The following SNRPN variants were observed in gnomAD, a reference collection of about 807,000 sequenced individuals.
SNRPN encodes the protein small nuclear ribonucleoprotein-associated protein N.
SNRPN carries 7 observed loss-of-function variants against 25.2 expected under a neutral mutation model. The ratio of observed to expected loss-of-function variants is 0.28; its 90% CI spans 0.16 to 0.52. The LOEUF (loss-of-function observed/expected upper bound fraction) is 0.52, where lower values mean the gene tolerates loss of function less well. Among genes scored for constraint, SNRPN ranks in the 20% least tolerant of loss-of-function variants. The pLI, the probability that SNRPN is intolerant of heterozygous loss-of-function variation, is 0.96. For missense variants in SNRPN, 196 were observed against 322.5 expected, an observed-to-expected ratio of 0.61 and a Z score of 3.00; for synonymous variants, 124 against 110.6, an observed-to-expected ratio of 1.12 and a Z score of -0.76.
At chr15:24,828,381 A>G (rs2050249837) in intron 1 of SNRPN, among the ~76,000 whole-genome samples, 2 of 152,096 alleles carry the variant, frequency 1.3e-5, no homozygotes, top group Admixed American at 1.3e-4. Context: ...AAGATCACGC[A>G]TGTGCCCTCA....
At chr15:24,953,125 C>G (rs902047948), upstream of SNRPN, among the ~76,000 whole-genome samples, 1 of 152,054 alleles carries the variant, frequency 6.6e-6, no homozygotes, top group Admixed American at 6.6e-5. Flanking sequence ...TAAACAGAAT[C>G]CCTTCTTTTG....
chr15:24,962,915 A>G (rs1280128672), intron 2 of SNRPN, among the ~76,000 whole-genome samples: 1 of 152,054 alleles, frequency 6.6e-6, no homozygotes, highest in African/African-American at 2.4e-5. Context: ...GTTTTTTTTA[A>G]TTATAAGTAT....
intron 2 of SNRPN, chr15:24,909,510 G>A: frequency 6.6e-7 from 1 of 1,518,192 alleles, no homozygotes; most frequent in Non-Finnish European, 9.0e-7. Context: ...CTGCGGGCCA[G>A]CGGCAGGCCA....
At chr15:24,872,269 G>A (rs2055219428) in intron 1 of SNRPN, among the ~76,000 whole-genome samples, 1 of 113,208 alleles carries the variant, frequency 8.8e-6, no homozygotes, top group Admixed American at 9.9e-5. Context: ...CTGGGTTCAA[G>A]TGATTCTCCT....
At position 24,955,766 on chromosome 15, in the gene SNRPN, TGGC is replaced by T. The variant is rs201780389; in HGVS notation, c.-391+710_-391+712del. ...GGGGGAAGGCGGCGACAGTGGGTATTGGCGGCGGTGGGCATTGGCAGCGGGTAG... is the reference window on the plus strand; with the variant it reads ...GGGGGAAGGCGGCGACAGTGGGTATTGGCGGTGGGCATTGGCAGCGGGTAG... On this transcript the variant is annotated intron_variant, in intron 1 of 9. Coordinates refer to ENST00000390687, the MANE Select transcript of SNRPN (RefSeq NM_003097.6). Among the ~76,000 whole-genome samples, 579 of 150,350 alleles carry T rather than the reference TGGC, an allele frequency of 3.9e-3. 2 individuals are homozygous for T. The highest frequency in any genetic ancestry group is 0.014 in the African/African-American group (556 of 40,870).
At chr15:24,834,761 A>G (rs1291767621) in intron 2 of SNRPN, among the ~76,000 whole-genome samples, 1 of 46,116 alleles carries the variant, frequency 2.2e-5, no homozygotes, top group African/African-American at 6.1e-5. Flanking sequence ...CTATATATAT[A>G]TATATATATA....
chr15:24,965,318 A>C (rs536282823), intron 2 of SNRPN, among the ~76,000 whole-genome samples: 2 of 152,204 alleles, frequency 1.3e-5, no homozygotes, highest in South Asian at 4.1e-4. Context: ...TGGGCAGATC[A>C]CCTGAGGTCA....
chr15:24,938,291 G>A (rs564839893), intron 3 of SNRPN, among the ~76,000 whole-genome samples: 12 of 152,036 alleles, frequency 7.9e-5, no homozygotes, highest in South Asian at 4.2e-4. Context: ...CACACCAGGC[G>A]AACTTTTTAT....
At chr15:24,949,162 CA>C (rs1170617472) in intron 3 of SNRPN, among the ~76,000 whole-genome samples, 1 of 151,786 alleles carries the variant, frequency 6.6e-6, no homozygotes, top group Non-Finnish European at 1.5e-5. Flanking sequence ...GCTGGGATTG[CA>C]GGCACGTGCC....
At chr15:24,977,647 A>C in intron 7 of SNRPN, 131 bp from the exon 8 acceptor site, 2 of 898,114 alleles carry the variant, frequency 2.2e-6, no homozygotes, top group Non-Finnish European at 3.2e-6. Flanking sequence ...AAAAAAAAAC[A>C]TGGGAATAAT....
Position 24,978,627 on chromosome 15 carries a change from T to C in SNRPN, c.*183T>C. The stretch of plus-strand genomic sequence containing the variant: ...TTTTTGCCTGTTGATTTTGATGAGA[T>C]CTTAAGTTACTGTGGATGAGGGTGA... On this transcript the variant is annotated 3_prime_UTR_variant, in exon 10 of 10. Coordinates refer to ENST00000390687, the MANE Select transcript of SNRPN (RefSeq NM_003097.6). 2 of 637,008 alleles carry C rather than the reference T, an allele frequency of 3.1e-6. 1 individual carries two copies. Among genetic ancestry groups the C allele is most frequent in the South Asian group, 3.8e-5 (2 of 52,176 alleles). 39.5% of individuals were successfully genotyped at this position (637,008 alleles called of 1,614,324 possible).
At chr15:24,974,196 ATGAGAGGAAGGATGTTTT>A in intron 3 of SNRPN, 97 bp from the exon 4 acceptor site, 1 of 509,092 alleles carries the variant, frequency 2.0e-6, no homozygotes, top group East Asian at 3.4e-5. Context: ...GGAAGCTAGT[ATGAGAGGAAGGATGTTTT>A]TGAACGTGTC....
chr15:24,836,774 A>G (rs780998767), intron 2 of SNRPN, among the ~76,000 whole-genome samples: 4 of 152,120 alleles, frequency 2.6e-5, no homozygotes, highest in African/African-American at 4.8e-5. Flanking sequence ...AAACTCAAAC[A>G]TCTAGGGAGA....
Position 24,906,754 on chromosome 15 carries a change from A to C in SNRPN, c.-504-13257A>C, listed in dbSNP as rs150179107. Among the ~76,000 whole-genome samples, 330 of 152,312 alleles carry C rather than the reference A, an allele frequency of 2.2e-3. 1 individual carries two copies. The highest frequency in any genetic ancestry group is 6.8e-3 in the Middle Eastern group (2 of 294). On this transcript the variant is annotated intron_variant, in intron 2 of 11. Transcript: ENST00000400097. ...CAAGGGGGTGTAAGTGCCTATTATC[A>C]GAGGTCATTCTTACGGAGGCTATTA...
intron 2 of SNRPN, among the ~76,000 whole-genome samples, chr15:24,893,472 G>T (rs1471729763): frequency 2.0e-5 from 3 of 151,868 alleles, no homozygotes; most frequent in Admixed American, 6.6e-5. Flanking sequence ...AACAAAATTA[G>T]CTGGGTGTGG....
chr15:24,973,040 AC>A (rs1420078644), intron 3 of SNRPN, among the ~76,000 whole-genome samples: 1 of 152,062 alleles, frequency 6.6e-6, no homozygotes, highest in African/African-American at 2.4e-5. Context: ...GGCGCCTGCC[AC>A]CACACCCAGC....
chr15:24,896,402 A>C (rs775616010), intron 2 of SNRPN, among the ~76,000 whole-genome samples: 3 of 152,202 alleles, frequency 2.0e-5, no homozygotes, highest in Admixed American at 2.0e-4. Flanking sequence ...TAAAGAAATC[A>C]GTTGGCTTTG....
intron 2 of SNRPN, among the ~76,000 whole-genome samples, chr15:24,887,283 G>A (rs1184893731): frequency 6.6e-6 from 1 of 151,900 alleles, no homozygotes; most frequent in Non-Finnish European, 1.5e-5. Context: ...ATGTAGCTGG[G>A]ATTACAGGCA....
intron 1 of SNRPN, among the ~76,000 whole-genome samples, chr15:24,961,286 C>G (rs2074762947): frequency 6.6e-6 from 1 of 152,170 alleles, no homozygotes; most frequent in African/African-American, 2.4e-5. Context: ...TTTTACCAAT[C>G]TAAAAGTCTA....
Sources: allele counts gnomAD v4.1 joint callset (sites outside exome capture counted in the v4.1 genomes callset), GRCh38; gene constraint gnomAD v4.1.1; transcripts MANE v1.5; gene names NCBI Gene and HGNC (gene_info 2026-07-23, HGNC 2026-07-21).